Variants in GUCA1C observed in about 807,000 individuals in gnomAD.
GUCA1C encodes the protein guanylyl cyclase-activating protein 3.
A neutral mutation model predicts 16.2 loss-of-function variants in GUCA1C; 15 were observed. The observed-to-expected ratio is 0.93, with a 90% CI of 0.62 to 1.43. The LOEUF is 1.43. Among genes scored for constraint, GUCA1C ranks in the 40% most tolerant of loss-of-function variants. The probability of loss-of-function intolerance (pLI) is 0.00; values close to 1 mark genes in which losing one functional copy is unlikely to be tolerated. For missense variants in GUCA1C, 275 were observed against 244.8 expected, an observed-to-expected ratio of 1.12 and a Z score of -0.82; for synonymous variants, 78 against 85.4, an observed-to-expected ratio of 0.91 and a Z score of 0.48.
chr3:108,912,547 A>T (rs1360782114), intron 3 of GUCA1C, among the ~76,000 whole-genome samples: 1 of 151,944 alleles, frequency 6.6e-6, no homozygotes, highest in Non-Finnish European at 1.5e-5. Flanking sequence ...CCTCATGATT[A>T]AAAAAATTGA....
chr3:108,952,984 T>C (rs1239515536), intron 1 of GUCA1C, among the ~76,000 whole-genome samples: 1 of 152,124 alleles, frequency 6.6e-6, no homozygotes, highest in African/African-American at 2.4e-5. Flanking sequence ...TGAGTAACAA[T>C]CTTTAGAAAC....
chr3:108,908,193 T>C lies in GUCA1C; in HGVS notation c.459A>G (p.Glu153=), dbSNP rs977702220. ...DINNDGELTL[E]EFINGMAKDQ... is the part of the protein sequence containing the mutation. ...CTTTTGCCATGCCATTGATAAATTCTTCTAAAGTCAATTCCCCTGGAAAAT... is the reference window on the plus strand; with the variant it reads ...CTTTTGCCATGCCATTGATAAATTCCTCTAAAGTCAATTCCCCTGGAAAAT... The change falls in exon 4 of 4, where the codon GAA becomes GAG. Residue 153 remains glutamate (E), a synonymous_variant. Coordinates refer to ENST00000261047, the MANE Select transcript of GUCA1C (RefSeq NM_005459.4). The C allele has an allele frequency of 3.3e-5, 53 of 1,612,632 alleles. No homozygotes were observed. The highest frequency in any genetic ancestry group is 4.2e-5 in the Non-Finnish European group (50 of 1,178,802).
At chr3:108,951,129 G>C (rs1339641970) in intron 1 of GUCA1C, among the ~76,000 whole-genome samples, 1 of 152,140 alleles carries the variant, frequency 6.6e-6, no homozygotes, top group Non-Finnish European at 1.5e-5. Flanking sequence ...TACGAGGAGT[G>C]GGGTGGGAGA....
intron 1 of GUCA1C, among the ~76,000 whole-genome samples, chr3:108,949,804 T>C (rs1946880435): frequency 6.6e-6 from 1 of 152,188 alleles, no homozygotes; most frequent in South Asian, 2.1e-4. Flanking sequence ...ATACAATATG[T>C]TATTTTTATG....
chr3:108,945,220 C>T (rs1373484283), intron 1 of GUCA1C, among the ~76,000 whole-genome samples: 2 of 152,250 alleles, frequency 1.3e-5, no homozygotes, highest in Admixed American at 6.5e-5. Context: ...CTTTGAGGAA[C>T]CAATGGCCAG....
intron 1 of GUCA1C, among the ~76,000 whole-genome samples, chr3:108,930,374 G>A (rs572765523): frequency 3.9e-5 from 6 of 152,302 alleles, no homozygotes; most frequent in South Asian, 2.1e-4. Flanking sequence ...ATAGTTTCAC[G>A]AAGTCTATAA....
intron 1 of GUCA1C, among the ~76,000 whole-genome samples, chr3:108,951,580 TG>T (rs1946895975): frequency 6.6e-6 from 1 of 152,268 alleles, no homozygotes; most frequent in Non-Finnish European, 1.5e-5. Context: ...TGACTTTTCC[TG>T]TGCATAATTG....
chr3:108,933,253 C>T (rs1261514969), intron 1 of GUCA1C, among the ~76,000 whole-genome samples: 1 of 152,180 alleles, frequency 6.6e-6, no homozygotes. Context: ...AAATTAAGAG[C>T]TCGCAAAGCC....
At chr3:108,912,098 C>A (rs1430562515) in intron 3 of GUCA1C, among the ~76,000 whole-genome samples, 1 of 10,062 alleles carries the variant, frequency 9.9e-5, no homozygotes, top group African/African-American at 2.1e-4. Context: ...AGAGAGACTC[C>A]GTCTCAATAA....
chr3:108,920,940 C>A (rs374926601), intron 1 of GUCA1C, among the ~76,000 whole-genome samples: 2 of 152,202 alleles, frequency 1.3e-5, no homozygotes, highest in African/African-American at 4.8e-5. Flanking sequence ...TACACTGACA[C>A]ATCATCATCA....
chr3:108,921,036 T>G (rs923687086), intron 1 of GUCA1C, among the ~76,000 whole-genome samples: 6 of 152,212 alleles, frequency 3.9e-5, no homozygotes, highest in Non-Finnish European at 8.8e-5. Context: ...TACACACCAT[T>G]ATAGTATTGC....
intron 1 of GUCA1C, among the ~76,000 whole-genome samples, chr3:108,923,006 CT>C (rs899916171): frequency 6.6e-6 from 1 of 152,084 alleles, no homozygotes; most frequent in Non-Finnish European, 1.5e-5. Context: ...TATTAACCCA[CT>C]TTTTGGTGGG....
At chr3:108,909,223 A>AT (rs1388192212) in intron 3 of GUCA1C, among the ~76,000 whole-genome samples, 2 of 152,202 alleles carry the variant, frequency 1.3e-5, no homozygotes, top group Non-Finnish European at 1.5e-5. Flanking sequence ...GCTAAAATGC[A>AT]TTTTTTAAGA....
chr3:108,940,816 T>C lies in GUCA1C; in HGVS notation c.204+12743A>G, dbSNP rs78034456. On this transcript the variant is annotated intron_variant, in intron 1 of 3. Coordinates refer to ENST00000261047, the MANE Select transcript of GUCA1C (RefSeq NM_005459.4). Reference sequence around the variant, plus strand: ...CTGGATTGCACATTTTTTCAAAGTGTTTTCAACTGCATTATTTCACATGAG... The same window carrying C: ...CTGGATTGCACATTTTTTCAAAGTGCTTTCAACTGCATTATTTCACATGAG... Among the ~76,000 whole-genome samples the C allele has an allele frequency of 3.9e-3, 592 of 152,266 alleles. 4 individuals carry two copies. Among genetic ancestry groups the C allele is most frequent in the African/African-American group, 0.014 (570 of 41,542 alleles).
intron 1 of GUCA1C, among the ~76,000 whole-genome samples, chr3:108,924,543 A>C (rs1946603457): frequency 6.6e-6 from 1 of 151,986 alleles, no homozygotes; most frequent in Non-Finnish European, 1.5e-5. Context: ...TCGGTTTGCT[A>C]GTATTTTATT....
intron 2 of GUCA1C, among the ~76,000 whole-genome samples, chr3:108,916,856 A>T (rs1424226433): frequency 1.3e-5 from 2 of 152,216 alleles, no homozygotes; most frequent in Non-Finnish European, 2.9e-5. Context: ...TTGACATAGA[A>T]CTTCAAAATA....
chr3:108,942,804 CAGAGACTA>C (rs1286732550), intron 1 of GUCA1C, among the ~76,000 whole-genome samples: 1 of 152,214 alleles, frequency 6.6e-6, no homozygotes, highest in African/African-American at 2.4e-5. Flanking sequence ...CAATTTAGGA[CAGAGACTA>C]ATTATTATCC....
rs533392879 is a variant in GUCA1C, at chr3:108,952,797, AC to A, written c.204+761del. The stretch of plus-strand genomic sequence containing the variant: ...AAATATACAAATCTACAGTAAAATA[AC>A]CAAAATAAACAAGTAAAAGCAGGCA... On this transcript the variant is annotated intron_variant, in intron 1 of 3. Coordinates refer to ENST00000261047, the MANE Select transcript of GUCA1C (RefSeq NM_005459.4). 1.4e-3 allele frequency among the ~76,000 whole-genome samples: 216 copies of A among 152,300 alleles called. 1 individual carries two copies. The highest frequency in any genetic ancestry group is 4.9e-3 in the African/African-American group (202 of 41,574).
chr3:108,918,022 G>A (rs1023657209), intron 2 of GUCA1C, among the ~76,000 whole-genome samples: 1 of 152,188 alleles, frequency 6.6e-6, no homozygotes, highest in Admixed American at 6.5e-5. Context: ...TCCAGCCTGG[G>A]TGACAGAGCG....
Sources: allele counts gnomAD v4.1 joint callset (sites outside exome capture counted in the v4.1 genomes callset), GRCh38; gene constraint gnomAD v4.1.1; transcripts MANE v1.5; gene names NCBI Gene and HGNC (gene_info 2026-07-23, HGNC 2026-07-21).